The following SLC41A2 variants were observed in gnomAD, a reference collection of about 807,000 sequenced individuals.
SLC41A2 encodes solute carrier family 41 member 2, also known as SLC41A1-like 1.
SLC41A2 carries 32 observed loss-of-function variants against 58.3 expected under a neutral mutation model. The observed-to-expected ratio is 0.55, with a 90% CI of 0.41 to 0.74. The LOEUF (loss-of-function observed/expected upper bound fraction) is 0.74. Ranked by LOEUF, SLC41A2 falls within the 30% of genes least tolerant of loss-of-function variation. SLC41A2 has a pLI of 0.00. For synonymous variants in SLC41A2, 190 were observed against 235.0 expected (o/e 0.81, Z 1.75); for missense variants, 514 against 680.6 (o/e 0.76, Z 2.72).
At position 104,859,008 on chromosome 12, in the gene SLC41A2, T is replaced by A. The variant is rs140870043; in HGVS notation, c.1255+2283A>T. Among the ~76,000 whole-genome samples the A allele has an allele frequency of 7.2e-5, 11 of 152,328 alleles. No individual in the cohort carries two copies. The East Asian group carries it at 2.1e-3, about 29-fold the overall frequency. On this transcript the variant is annotated intron_variant, in intron 8 of 10. Coordinates refer to ENST00000258538, the MANE Select transcript of SLC41A2 (RefSeq NM_001352171.3). Reference sequence around the variant, plus strand: ...ATGTTGTTTAATATAGCTCTAACAGTCATTATGAGTAATGTTTATGCTAAT... The same window carrying A: ...ATGTTGTTTAATATAGCTCTAACAGACATTATGAGTAATGTTTATGCTAAT...
intron 6 of SLC41A2, among the ~76,000 whole-genome samples, chr12:104,884,942 T>C (rs2044582605): frequency 6.6e-6 from 1 of 152,238 alleles, no homozygotes; most frequent in African/African-American, 2.4e-5. Context: ...TCAGCATCTA[T>C]TTCTAAATTA....
chr12:104,930,391 C>G (rs1012301465), intron 1 of SLC41A2, among the ~76,000 whole-genome samples: 2 of 150,618 alleles, frequency 1.3e-5, no homozygotes. Flanking sequence ...AAAGGCTGAG[C>G]TATACATCTG....
intron 2 of SLC41A2, among the ~76,000 whole-genome samples, chr12:104,923,204 C>CAAAAAAAAA (rs1267157553): frequency 9.3e-5 from 10 of 108,046 alleles, no homozygotes; most frequent in Non-Finnish European, 2.1e-4. Flanking sequence ...CTACTAAAAG[C>CAAAAAAAAA]ACAAAAAATT....
At chr12:104,867,052 T>C (rs1483076730) in intron 6 of SLC41A2, among the ~76,000 whole-genome samples, 1 of 152,102 alleles carries the variant, frequency 6.6e-6, no homozygotes, top group Non-Finnish European at 1.5e-5. Context: ...AGAAAATATG[T>C]ATCTGACACC....
At chr12:104,939,980 A>G (rs1484378649) in intron 1 of SLC41A2, among the ~76,000 whole-genome samples, 1 of 152,068 alleles carries the variant, frequency 6.6e-6, no homozygotes, top group East Asian at 1.9e-4. Context: ...ATTTTTTCTT[A>G]AAGTATACCT....
intron 4 of SLC41A2, among the ~76,000 whole-genome samples, chr12:104,891,678 C>T (rs752004252): frequency 2.0e-5 from 3 of 151,458 alleles, no homozygotes; most frequent in Non-Finnish European, 4.4e-5. Context: ...TAACATACTA[C>T]TAGAAGTCCT....
intron 10 of SLC41A2, among the ~76,000 whole-genome samples, chr12:104,811,397 G>GCATAT (rs2041168499): frequency 6.6e-6 from 1 of 152,234 alleles, no homozygotes; most frequent in African/African-American, 2.4e-5. Context: ...ACAAGACTAT[G>GCATAT]CATATCATTT....
chr12:104,828,015 G>A (rs892539070), intron 10 of SLC41A2, among the ~76,000 whole-genome samples: 24 of 152,072 alleles, frequency 1.6e-4, no homozygotes, highest in African/African-American at 5.6e-4. Context: ...TTGCTTTCCT[G>A]CCCAAATGTT....
At chr12:104,956,346 A>T (rs1408075363) in intron 1 of SLC41A2, among the ~76,000 whole-genome samples, 2 of 152,104 alleles carry the variant, frequency 1.3e-5, no homozygotes, top group African/African-American at 2.4e-5. Context: ...ATTAACAGAA[A>T]TTTTTTTCCA....
chr12:104,820,465 T>C (rs1373945129), intron 10 of SLC41A2, among the ~76,000 whole-genome samples: 1 of 152,160 alleles, frequency 6.6e-6, no homozygotes, highest in Non-Finnish European at 1.5e-5. Context: ...CCCATCTCTT[T>C]TAATAACAAA....
chr12:104,824,582 T>C (rs2041769636), intron 10 of SLC41A2, among the ~76,000 whole-genome samples: 1 of 152,168 alleles, frequency 6.6e-6, no homozygotes, highest in African/African-American at 2.4e-5. Flanking sequence ...GAACCCAGGA[T>C]ACAGAAAGCC....
At chr12:104,828,906 T>G (rs1437247362) in intron 10 of SLC41A2, among the ~76,000 whole-genome samples, 3 of 152,090 alleles carry the variant, frequency 2.0e-5, no homozygotes, top group Non-Finnish European at 4.4e-5. Context: ...ATATAGTCAC[T>G]ATCATCAGTC....
At chr12:104,891,492 T>C (rs1240234937) in intron 4 of SLC41A2, among the ~76,000 whole-genome samples, 1 of 148,322 alleles carries the variant, frequency 6.7e-6, no homozygotes, top group Non-Finnish European at 1.5e-5. Context: ...TTATATATTA[T>C]TTATATTATT....
chr12:104,808,496 G>A (rs1371324507), intron 10 of SLC41A2, among the ~76,000 whole-genome samples: 5 of 152,052 alleles, frequency 3.3e-5, no homozygotes, highest in Non-Finnish European at 7.4e-5. Context: ...TTTTTGCATC[G>A]ATGTTCATTA....
chr12:104,832,220 T>TCTA (rs1332646098), intron 10 of SLC41A2, among the ~76,000 whole-genome samples: 1 of 152,210 alleles, frequency 6.6e-6, no homozygotes, highest in African/African-American at 2.4e-5. Context: ...ACAAACTTTT[T>TCTA]CTATGTCACA....
intron 6 of SLC41A2, among the ~76,000 whole-genome samples, chr12:104,880,076 G>A (rs544013735): frequency 6.6e-6 from 1 of 152,148 alleles, no homozygotes; most frequent in East Asian, 1.9e-4. Flanking sequence ...TTGATGCAAA[G>A]AGATTGAATG....
intron 3 of SLC41A2, among the ~76,000 whole-genome samples, chr12:104,903,000 C>T (rs913364721): frequency 1.3e-5 from 2 of 152,204 alleles, no homozygotes; most frequent in African/African-American, 4.8e-5. Context: ...CAAGTTGCTA[C>T]TTTCCCATCT....
intron 2 of SLC41A2, among the ~76,000 whole-genome samples, chr12:104,913,536 G>T (rs1246449350): frequency 1.3e-5 from 2 of 152,152 alleles, no homozygotes; most frequent in African/African-American, 4.8e-5. Flanking sequence ...AAGTTCCACT[G>T]CACATGCACG....
intron 10 of SLC41A2, among the ~76,000 whole-genome samples, chr12:104,820,190 G>A (rs2041571158): frequency 6.6e-6 from 1 of 152,224 alleles, no homozygotes; most frequent in Non-Finnish European, 1.5e-5. Flanking sequence ...TCTAGGCCAG[G>A]CATGGTGGGT....
Sources: gnomAD v4.1 joint callset for allele counts (sites outside exome capture counted in the v4.1 genomes callset) on GRCh38, gnomAD v4.1.1 for gene constraint, MANE v1.5 for transcripts, NCBI Gene and HGNC (gene_info 2026-07-23, HGNC 2026-07-21) for gene names.